The following METTL15 variants were observed in gnomAD, a reference collection of about 807,000 sequenced individuals.
The protein encoded by METTL15 is 12S rRNA N(4)-cytidine methyltransferase METTL15.
A neutral mutation model predicts 38.3 loss-of-function variants in METTL15; 34 were observed. The ratio of observed to expected loss-of-function variants is 0.89; its 90% CI spans 0.68 to 1.18. METTL15 has a LOEUF of 1.18. Among genes scored for constraint, METTL15 ranks in the 50% most tolerant of loss-of-function variants. METTL15 has a pLI of 0.00. For missense variants in METTL15, 438 were observed against 498.4 expected (o/e 0.88, Z 1.15); for synonymous variants, 162 against 170.9 (o/e 0.95, Z 0.41).
intron 3 of METTL15, chr11:28,163,497 A>G: frequency 2.5e-6 from 1 of 397,924 alleles, no homozygotes; most frequent in Non-Finnish European, 4.4e-6. Flanking sequence ...AATTTTGCAT[A>G]GATCTTTCTA....
At chr11:28,258,695 A>G (rs1301742188) in intron 4 of METTL15, among the ~76,000 whole-genome samples, 2 of 152,104 alleles carry the variant, frequency 1.3e-5, no homozygotes, top group Non-Finnish European at 2.9e-5. Context: ...ACTACTGCTG[A>G]TATTCCCTTA....
intron 4 of METTL15, among the ~76,000 whole-genome samples, chr11:28,238,405 T>C (rs11030260): frequency 0.38 from 57,665 of 152,122 alleles, 12,536 homozygotes; most frequent in African/African-American, 0.6. Flanking sequence ...TAGGACCCTC[T>C]GAGCCAGGTG....
intron 4 of METTL15, among the ~76,000 whole-genome samples, chr11:28,249,362 A>T (rs1258440083): frequency 6.6e-6 from 1 of 152,024 alleles, no homozygotes; most frequent in Non-Finnish European, 1.5e-5. Context: ...TAAGATAATG[A>T]AGATGATTAT....
chr11:28,328,103 G>A, intron 6 of METTL15: 2 of 1,610,350 alleles, frequency 1.2e-6, no homozygotes, highest in South Asian at 1.1e-5. Context: ...AGAATACTCT[G>A]AAACATATTT....
At chr11:28,388,714 G>T (rs1376967036) in intron 5 of METTL15, among the ~76,000 whole-genome samples, 4 of 151,974 alleles carry the variant, frequency 2.6e-5, no homozygotes, top group African/African-American at 9.7e-5. Context: ...AACTTTTAGG[G>T]GACATATGCA....
At position 28,296,636 on chromosome 11, in the gene METTL15, C is replaced by T; in HGVS notation, c.600-117C>T. On this transcript the variant is annotated intron_variant, in intron 5 of 6. Transcript: ENST00000407364. ...AAGGTTTCAGTTTCTGACTTTAAAA[C>T]CTCACTTCTCCTAGAGTATGTGTGT... 2 of 1,046,384 alleles carry T rather than the reference C, an allele frequency of 1.9e-6. 1 individual carries two copies. The allele number at this position is 1,046,384 out of a possible 1,614,324, so 64.8% of individuals were successfully genotyped here.
At chr11:28,431,789 T>G (rs1489513026) in intron 6 of METTL15, among the ~76,000 whole-genome samples, 2 of 9,960 alleles carry the variant, frequency 2.0e-4, no homozygotes, top group South Asian at 9.3e-3. Context: ...AAAAATAAAT[T>G]TAAAAAAAAA....
chr11:28,220,458 T>C (rs1005364150), intron 4 of METTL15, among the ~76,000 whole-genome samples: 11 of 152,222 alleles, frequency 7.2e-5, no homozygotes, highest in African/African-American at 2.7e-4. Flanking sequence ...TGTGTGTCTC[T>C]GCACATGAGA....
chr11:28,198,263 G>C (rs1258693644), intron 3 of METTL15, among the ~76,000 whole-genome samples: 1 of 152,032 alleles, frequency 6.6e-6, no homozygotes, highest in Admixed American at 6.6e-5. Context: ...AATAGATTAA[G>C]TGACAGTTCT....
intron 6 of METTL15, among the ~76,000 whole-genome samples, chr11:28,483,171 G>A (rs1345385437): frequency 6.6e-6 from 1 of 152,116 alleles, no homozygotes; most frequent in African/African-American, 2.4e-5. Flanking sequence ...TGGGCATAAT[G>A]GGAGATACCT....
chr11:28,378,529 G>C (rs1016610258), intron 5 of METTL15, among the ~76,000 whole-genome samples: 1 of 152,152 alleles, frequency 6.6e-6, no homozygotes, highest in Non-Finnish European at 1.5e-5. Context: ...CACGGTGCGT[G>C]CACCCACTGA....
At chr11:28,277,987 A>G (rs1193908508) in intron 4 of METTL15, among the ~76,000 whole-genome samples, 1 of 152,188 alleles carries the variant, frequency 6.6e-6, no homozygotes, top group Non-Finnish European at 1.5e-5. Context: ...TGATTGCAGA[A>G]TAAAATGATT....
intron 4 of METTL15, chr11:28,287,166 G>A (rs1212187301): frequency 1.1e-5 from 2 of 183,292 alleles, no homozygotes; most frequent in African/African-American, 5.0e-5. Flanking sequence ...ATGTGTGTGT[G>A]TGTGTGTGTG....
chr11:28,416,167 G>A (rs75357779), intron 5 of METTL15, among the ~76,000 whole-genome samples: 4 of 152,292 alleles, frequency 2.6e-5, no homozygotes, highest in Middle Eastern at 3.4e-3. Context: ...CCATGTTCCC[G>A]GCCCTTCTCT....
intron 6 of METTL15, among the ~76,000 whole-genome samples, chr11:28,488,850 T>C (rs1851458708): frequency 6.6e-6 from 1 of 152,132 alleles, no homozygotes; most frequent in Non-Finnish European, 1.5e-5. Context: ...TCCTTCTGAA[T>C]CCCAACTCTA....
At chr11:28,529,867 A>C (rs1341625370), downstream of METTL15, among the ~76,000 whole-genome samples, 1 of 152,162 alleles carries the variant, frequency 6.6e-6, no homozygotes, top group African/African-American at 2.4e-5. Context: ...CTTATGTTTC[A>C]AATGTCCTCA....
intron 6 of METTL15, among the ~76,000 whole-genome samples, chr11:28,461,370 A>T (rs1851212442): frequency 6.6e-6 from 1 of 152,142 alleles, no homozygotes; most frequent in Non-Finnish European, 1.5e-5. Context: ...ATTTATCATG[A>T]GGAACCAAAC....
chr11:28,316,119 C>T (rs1164798901), intron 6 of METTL15, among the ~76,000 whole-genome samples: 6 of 152,168 alleles, frequency 3.9e-5, no homozygotes, highest in Admixed American at 3.3e-4. Context: ...TAGATCCACC[C>T]AACAGCTTGC....
chr11:28,466,068 G>T (rs1424216112), intron 6 of METTL15, among the ~76,000 whole-genome samples: 2 of 152,116 alleles, frequency 1.3e-5, no homozygotes, highest in Non-Finnish European at 2.9e-5. Flanking sequence ...TTCAATTGAA[G>T]TCGGGGGGAT....
Sources: gnomAD v4.1 joint callset for allele counts (sites outside exome capture counted in the v4.1 genomes callset) on GRCh38, gnomAD v4.1.1 for gene constraint, MANE v1.5 for transcripts, NCBI Gene and HGNC (gene_info 2026-07-23, HGNC 2026-07-21) for gene names.